The following GHITM variants were observed in gnomAD, a reference collection of about 807,000 sequenced individuals.
The protein encoded by GHITM is growth hormone-inducible transmembrane protein.
In GHITM, 24 loss-of-function variants were observed where a neutral mutation model predicts 38.7. The ratio of observed to expected loss-of-function variants is 0.62; its 90% CI spans 0.45 to 0.87. The LOEUF (loss-of-function observed/expected upper bound fraction) is 0.87, where lower values mean the gene tolerates loss of function less well. Ranked by LOEUF, GHITM falls within the 40% of genes least tolerant of loss-of-function variation. The probability of loss-of-function intolerance (pLI) is 0.00; values close to 1 mark genes in which losing one functional copy is unlikely to be tolerated. For synonymous variants in GHITM, 154 were observed against 147.8 expected (o/e 1.04, Z -0.30); for missense variants, 420 against 429.8 (o/e 0.98, Z 0.20).
chr10:84,139,818 T>G (rs1402745469), intron 1 of GHITM: 1 of 152,558 alleles, frequency 6.6e-6, no homozygotes, highest in African/African-American at 2.4e-5. Flanking sequence ...GCTGTGCTTC[T>G]GTCCTCGGGC....
At chr10:84,151,259 C>A (rs550660040) in intron 8 of GHITM, among the ~76,000 whole-genome samples, 1 of 152,234 alleles carries the variant, frequency 6.6e-6, no homozygotes, top group South Asian at 2.1e-4. Context: ...TGTTGGGGGG[C>A]AGAGGAGGGT....
In GHITM at chr10:84,150,783, C is replaced by A. The variant is rs1554852080; in HGVS notation, c.856C>A (p.Leu286Ile). The part of the protein sequence containing the change: ...YSVAMYGGLV[L>I]FSMFLLYDTQ... ...AGTGGCAATGTACGGTGGATTAGTTCTTTTCAGCATGTTCCTTCTGTATGA... is the reference window on the plus strand; with the variant it reads ...AGTGGCAATGTACGGTGGATTAGTTATTTTCAGCATGTTCCTTCTGTATGA... Residue 286 changes from leucine to isoleucine, a missense_variant, in exon 8 of 9, where the codon CTT (leucine) becomes ATT (isoleucine). Leu to Ile is a conservative substitution (Grantham distance 5). Transcript: ENST00000372134. 2 of 1,612,510 alleles carry A rather than the reference C, an allele frequency of 1.2e-6. No individual in the cohort carries two copies. The highest frequency in any genetic ancestry group is 1.7e-6 in the Non-Finnish European group (2 of 1,178,610).
chr10:84,148,984 G>A, intron 6 of GHITM, 146 bp downstream of exon 6: 1 of 626,880 alleles, frequency 1.6e-6, no homozygotes, highest in Non-Finnish European at 2.9e-6. Context: ...CTGCATTATT[G>A]CCAGACCTTT....
intron 3 of GHITM, 104 bp from the exon 4 acceptor site, chr10:84,143,891 G>T (rs899197765): frequency 1.1e-5 from 9 of 842,088 alleles, no homozygotes; most frequent in Non-Finnish European, 1.8e-5. Flanking sequence ...ACTGATTATG[G>T]CTTCTATTAA....
At chr10:84,150,668 C>T in intron 7 of GHITM, 41 bp from the exon 8 acceptor site, 2 of 1,512,776 alleles carry the variant, frequency 1.3e-6, no homozygotes, top group South Asian at 2.4e-5. Context: ...TATCGGAAAT[C>T]CTTTTTTAAA....
intron 1 of GHITM, 127 bp from the exon 2 acceptor site, chr10:84,141,335 T>C: frequency 3.5e-6 from 2 of 579,162 alleles, no homozygotes; most frequent in Middle Eastern, 8.1e-4. Flanking sequence ...AAAGGTCGCT[T>C]TATTTCCTGT....
chr10:84,143,881 AC>A (rs1841531715), intron 3 of GHITM, 113 bp from the exon 4 acceptor site: 6 of 779,512 alleles, frequency 7.7e-6, no homozygotes, highest in Non-Finnish European at 1.4e-5. Flanking sequence ...CCCCATATGC[AC>A]TGATTATGGC....
At chr10:84,144,708 C>G (rs939504160) in intron 4 of GHITM, among the ~76,000 whole-genome samples, 167 bp from the exon 5 acceptor site, 20 of 152,164 alleles carry the variant, frequency 1.3e-4, no homozygotes, top group Non-Finnish European at 2.8e-4. Flanking sequence ...TTAGTCCTTA[C>G]AGTAACTCCC....
At chr10:84,141,322 T>G (rs750184674) in intron 1 of GHITM, 140 bp from the exon 2 acceptor site, 3 of 557,332 alleles carry the variant, frequency 5.4e-6, no homozygotes, top group Non-Finnish European at 9.5e-6. Context: ...CGCTGAAAAT[T>G]AAAAAGGTCG....
chr10:84,141,455 A>G lies in GHITM; in HGVS notation c.-39-7A>G, dbSNP rs760027136. 3 of 1,586,006 alleles carry G rather than the reference A, an allele frequency of 1.9e-6. No homozygotes were observed. The highest frequency in any genetic ancestry group is 4.5e-5 in the East Asian group (2 of 44,524). ...TTTTGGTTGGTTTTGCCTTTTTTTT[A>G]AACTAGCATTTCAGATCTGCTCGGT... On this transcript the variant is annotated splice_polypyrimidine_tract_variant and splice_region_variant and intron_variant, in intron 1 of 8. Transcript: ENST00000372134.
chr10:84,145,030 T>G lies in GHITM; in HGVS notation c.483+14T>G. On this transcript the variant is annotated intron_variant, in intron 5 of 8. Coordinates refer to ENST00000372134, the MANE Select transcript of GHITM (RefSeq NM_014394.3). The stretch of plus-strand genomic sequence containing the variant: ...GGCTCTTGGGTGGTAAGTCAGCTGT[T>G]TTTGTTTTCCTTTTTCATCTAAAGA... 1 of 1,576,550 alleles carries G rather than the reference T, an allele frequency of 6.3e-7. No homozygotes were observed. The highest frequency in any genetic ancestry group is 8.6e-7 in the Non-Finnish European group (1 of 1,159,184).
intron 4 of GHITM, among the ~76,000 whole-genome samples, chr10:84,144,627 T>A (rs1166540009): frequency 2.0e-5 from 3 of 152,206 alleles, no homozygotes; most frequent in African/African-American, 7.2e-5. Flanking sequence ...GTGCTGGGAT[T>A]ACAGGCATGA....
At chr10:84,147,979 T>C (rs1017041639) in intron 5 of GHITM, among the ~76,000 whole-genome samples, 5 of 152,190 alleles carry the variant, frequency 3.3e-5, no homozygotes, top group African/African-American at 1.2e-4. Context: ...TATATTTTTT[T>C]TAAAAATTAC....
intron 8 of GHITM, 52 bp downstream of exon 8, chr10:84,150,932 G>C: frequency 7.8e-7 from 1 of 1,281,610 alleles, no homozygotes; most frequent in Non-Finnish European, 1.1e-6. Flanking sequence ...AAGGATGCTT[G>C]TGTGTATTTG....
intron 3 of GHITM, 53 bp downstream of exon 3, chr10:84,142,807 G>T: frequency 1.1e-6 from 1 of 933,034 alleles, no homozygotes; most frequent in Non-Finnish European, 1.7e-6. Context: ...TGTTTTAAGA[G>T]GTCCATGAAC....
intron 2 of GHITM, among the ~76,000 whole-genome samples, chr10:84,141,990 A>G (rs569955914): frequency 6.6e-6 from 1 of 152,226 alleles, no homozygotes; most frequent in Non-Finnish European, 1.5e-5. Context: ...TTATTAATAA[A>G]TTACTAAATA....
chr10:84,142,825 T>TA (rs1187610825), intron 3 of GHITM, 71 bp downstream of exon 3: 2 of 731,034 alleles, frequency 2.7e-6, no homozygotes, highest in Non-Finnish European at 2.3e-6. Flanking sequence ...AACAACTTCC[T>TA]AAAAATATAT....
intron 5 of GHITM, among the ~76,000 whole-genome samples, chr10:84,148,221 C>T (rs1224837399): frequency 2.0e-5 from 3 of 152,038 alleles, no homozygotes; most frequent in Admixed American, 2.0e-4. Context: ...GCTAACTTAG[C>T]CAAAACTCTG....
At chr10:84,144,310 A>T (rs1233068770) in intron 4 of GHITM, among the ~76,000 whole-genome samples, 1 of 152,166 alleles carries the variant, frequency 6.6e-6, no homozygotes, top group Non-Finnish European at 1.5e-5. Context: ...GCAAGGTTAT[A>T]TGTGTTTAAG....
Sources: gnomAD v4.1 joint callset for allele counts (sites outside exome capture counted in the v4.1 genomes callset) on GRCh38, gnomAD v4.1.1 for gene constraint, MANE v1.5 for transcripts, NCBI Gene and HGNC (gene_info 2026-07-23, HGNC 2026-07-21) for gene names.